SNX29: variants seen among roughly 807,000 people sequenced by gnomAD.
The protein encoded by SNX29 is sorting nexin 29.
In SNX29, 78 loss-of-function variants were observed where a neutral mutation model predicts 102.1. The observed-to-expected ratio is 0.76, with a 90% CI of 0.64 to 0.92. The LOEUF is 0.92. Ranked by LOEUF, SNX29 falls within the 40% of genes least tolerant of loss-of-function variation. The pLI is 0.00. For synonymous variants in SNX29, 580 were observed against 414.5 expected, an observed-to-expected ratio of 1.40 and a Z score of -4.85; for missense variants, 1,280 against 1,061.7, an observed-to-expected ratio of 1.21 and a Z score of -2.86.
At chr16:12,203,117 T>G (rs1194291206) in intron 14 of SNX29, among the ~76,000 whole-genome samples, 1 of 151,006 alleles carries the variant, frequency 6.6e-6, no homozygotes, top group African/African-American at 2.5e-5. Flanking sequence ...TCAGGTGGAC[T>G]GGTGGCATTG....
intron 15 of SNX29, among the ~76,000 whole-genome samples, chr16:12,309,675 G>A (rs1020407119): frequency 1.3e-5 from 2 of 152,178 alleles, no homozygotes; most frequent in Non-Finnish European, 2.9e-5. Flanking sequence ...GATTCTCAGA[G>A]GGAGGTGGGT....
rs543244610 is a variant in SNX29 at position 12,509,589 on chromosome 16, T to C, written c.2179-15113T>C. Among the ~76,000 whole-genome samples the C allele has an allele frequency of 7.9e-5, 12 of 152,292 alleles. No individual in the cohort carries two copies. In the South Asian group the frequency reaches 2.3e-3, roughly 29 times the overall value. On this transcript the variant is annotated intron_variant, in intron 19 of 20. Coordinates refer to ENST00000566228, the MANE Select transcript of SNX29 (RefSeq NM_032167.5). ...ACAGGTGTGGGCAAGAAAATATCTT[T>C]CCTTTTTGTTTTTTCTCTTTGGACC...
At chr16:12,557,845 G>C (rs1158890936) in intron 20 of SNX29, among the ~76,000 whole-genome samples, 1 of 152,166 alleles carries the variant, frequency 6.6e-6, no homozygotes, top group African/African-American at 2.4e-5. Context: ...TCATCAATGT[G>C]ACATGACCAT....
chr16:12,560,228 TGCA>T (rs1468763658), intron 20 of SNX29, among the ~76,000 whole-genome samples: 1 of 150,666 alleles, frequency 6.6e-6, no homozygotes. Context: ...AGCCAGAGCT[TGCA>T]GAAGAAAAGC....
chr16:12,395,784 A>G (rs558813870), intron 16 of SNX29, among the ~76,000 whole-genome samples: 2 of 151,946 alleles, frequency 1.3e-5, no homozygotes, highest in Non-Finnish European at 2.9e-5. Context: ...TCTGCTCCAC[A>G]CTCTTTATTG....
chr16:12,463,440 T>A (rs765226709), intron 18 of SNX29, among the ~76,000 whole-genome samples: 18 of 152,168 alleles, frequency 1.2e-4, no homozygotes, highest in Non-Finnish European at 2.2e-4. Context: ...GCAACTCACA[T>A]CTTACATGGA....
In SNX29 at chr16:12,571,558, C is replaced by T. The variant is rs1567230108; in HGVS notation, c.*2929C>T. 2 of 998,514 alleles carry T rather than the reference C, an allele frequency of 2.0e-6. No individual in the cohort carries two copies. Among genetic ancestry groups the T allele is most frequent in the African/African-American group, 3.4e-5 (2 of 59,670 alleles). 61.9% of individuals were successfully genotyped at this position (998,514 alleles called of 1,614,324 possible). On this transcript the variant is annotated 3_prime_UTR_variant, in exon 21 of 21. Transcript: ENST00000566228. ...CCTTTGCTGGGAGGAAGAATCCACA[C>T]CGAATCCTTCTGTCTTCATGGCCTG...
At chr16:12,488,193 G>T (rs1473480282) in intron 19 of SNX29, among the ~76,000 whole-genome samples, 1 of 151,992 alleles carries the variant, frequency 6.6e-6, no homozygotes, top group Non-Finnish European at 1.5e-5. Flanking sequence ...GCCACTGAAA[G>T]CATATTTGCT....
At chr16:12,044,350 G>A (rs1022647327) in intron 5 of SNX29, among the ~76,000 whole-genome samples, 2 of 152,124 alleles carry the variant, frequency 1.3e-5, no homozygotes, top group Admixed American at 1.3e-4. Flanking sequence ...GATCTTCTGG[G>A]ATTGTGCACT....
intron 17 of SNX29, among the ~76,000 whole-genome samples, chr16:12,403,202 A>ATGTGTGTGTGTG (rs67193889): frequency 4.2e-5 from 3 of 70,882 alleles, no homozygotes; most frequent in Non-Finnish European, 8.8e-5. Flanking sequence ...TTGTGTGTGT[A>ATGTGTGTGTGTG]TGTGTGTGTG....
At chr16:12,431,434 C>CTTCTTCTTCTTCTT (rs779738786) in intron 18 of SNX29, among the ~76,000 whole-genome samples, 1 of 136,952 alleles carries the variant, frequency 7.3e-6, no homozygotes, top group African/African-American at 2.7e-5. Context: ...TCTTCTTCTT[C>CTTCTTCTTCTTCTT]TTTTTTTTTT....
chr16:12,388,556 T>TTA (rs1218697732), intron 16 of SNX29, among the ~76,000 whole-genome samples: 1 of 152,270 alleles, frequency 6.6e-6, no homozygotes, highest in African/African-American at 2.4e-5. Flanking sequence ...TTTCCGTAAA[T>TTA]GCCCACATAG....
chr16:12,467,624 G>GTTCA (rs1384496470), intron 18 of SNX29, among the ~76,000 whole-genome samples: 1 of 133,756 alleles, frequency 7.5e-6, no homozygotes, highest in Non-Finnish European at 1.5e-5. Context: ...TCGTTCGTTA[G>GTTCA]TTCGTTCGTT....
chr16:12,178,921 T>C (rs2076320818), intron 13 of SNX29, among the ~76,000 whole-genome samples: 1 of 152,214 alleles, frequency 6.6e-6, no homozygotes, highest in African/African-American at 2.4e-5. Context: ...AAATGAGTTA[T>C]TATGGATCAT....
Position 12,046,306 on chromosome 16 carries a change from C to T in SNX29, c.429-78C>T, listed in dbSNP as rs904071401. ...ACCAGGTGCAGATCTTCCAGGGAGC[C>T]GTCTAATGGAATTTCCTGGTTAATG... On this transcript the variant is annotated intron_variant, in intron 5 of 20. Transcript: ENST00000566228. The T allele has an allele frequency of 3.1e-5, 45 of 1,431,106 alleles. No individual in the cohort carries two copies. In the Admixed American group the frequency reaches 5.7e-4, roughly 18 times the overall value. 88.7% of individuals were successfully genotyped at this position (1,431,106 alleles called of 1,614,324 possible). A position where few individuals can be genotyped will look rare whatever the true frequency, so the allele number is the denominator to read the frequency against.
At chr16:12,248,087 T>A (rs2078311761) in intron 14 of SNX29, among the ~76,000 whole-genome samples, 1 of 152,158 alleles carries the variant, frequency 6.6e-6, no homozygotes. Flanking sequence ...GATGCCCCTC[T>A]CCTGTGAGGC....
intron 15 of SNX29, among the ~76,000 whole-genome samples, chr16:12,319,325 G>A (rs141964008): frequency 1.5e-3 from 226 of 152,252 alleles, no homozygotes; most frequent in African/African-American, 5.2e-3. Flanking sequence ...AACATAGACC[G>A]TCTCTACAAA....
chr16:12,158,357 A>C (rs2055642638), intron 13 of SNX29, among the ~76,000 whole-genome samples: 1 of 151,884 alleles, frequency 6.6e-6, no homozygotes, highest in Non-Finnish European at 1.5e-5. Context: ...GCGCCACCAC[A>C]CCCGGCTAAT....
Position 12,326,698 on chromosome 16 carries a change from C to T in SNX29, c.1783-29465C>T, listed in dbSNP as rs373548060. ...CCTAGGTTTGGATTTAAGTCACTCC[C>T]AAGTCTCCAATCCTGGACAAGTTTC... On this transcript the variant is annotated intron_variant, in intron 15 of 20. Coordinates refer to ENST00000566228, the MANE Select transcript of SNX29 (RefSeq NM_032167.5). 3.9e-4 allele frequency among the ~76,000 whole-genome samples: 60 copies of T among 152,258 alleles called. No homozygotes were observed. The South Asian group carries it at 0.012, about 31-fold the overall frequency.
Sources: gnomAD v4.1 joint callset for allele counts (sites outside exome capture counted in the v4.1 genomes callset) on GRCh38, gnomAD v4.1.1 for gene constraint, MANE v1.5 for transcripts, NCBI Gene and HGNC (gene_info 2026-07-23, HGNC 2026-07-21) for gene names.